Variants in NRG3 observed in about 807,000 individuals in gnomAD.
NRG3 encodes the protein neuregulin 3.
In NRG3, 31 loss-of-function variants were observed where a neutral mutation model predicts 66.9. The ratio of observed to expected loss-of-function variants is 0.46; its 90% CI spans 0.35 to 0.63. NRG3 has a LOEUF of 0.63. NRG3 is among the 20% of genes least tolerant of loss of function. NRG3 has a pLI of 0.00. For missense variants in NRG3, 910 were observed against 878.9 expected (o/e 1.04, Z -0.45); for synonymous variants, 393 against 359.4 (o/e 1.09, Z -1.06).
At chr10:82,126,324 ATT>A (rs1310188901) in intron 1 of NRG3, among the ~76,000 whole-genome samples, 1 of 152,066 alleles carries the variant, frequency 6.6e-6, no homozygotes, top group African/African-American at 2.4e-5. Context: ...AGTAAATTTA[ATT>A]TTTTTCTACA....
intron 4 of NRG3, among the ~76,000 whole-genome samples, chr10:82,908,171 G>A (rs749296161): frequency 1.7e-4 from 26 of 152,182 alleles, no homozygotes; most frequent in Admixed American, 8.5e-4. Context: ...TCCTTTGCAA[G>A]GCCAGAAGCA....
intron 2 of NRG3, among the ~76,000 whole-genome samples, chr10:82,468,108 A>C (rs1409515855): frequency 6.6e-6 from 1 of 152,192 alleles, no homozygotes; most frequent in Non-Finnish European, 1.5e-5. Flanking sequence ...TATATAGATA[A>C]GAAACTGAGT....
chr10:82,462,068 T>C (rs1280302913), intron 2 of NRG3, among the ~76,000 whole-genome samples: 1 of 151,918 alleles, frequency 6.6e-6, no homozygotes, highest in Admixed American at 6.6e-5. Flanking sequence ...GAGGCGGAGG[T>C]GGCGGTGAGC....
chr10:82,816,724 C>T (rs975436810), intron 3 of NRG3, among the ~76,000 whole-genome samples: 1 of 152,198 alleles, frequency 6.6e-6, no homozygotes, highest in Non-Finnish European at 1.5e-5. Flanking sequence ...CAGGCCCACA[C>T]TGAGCCACCC....
chr10:82,445,488 C>A (rs746182393), intron 2 of NRG3, among the ~76,000 whole-genome samples: 6 of 152,096 alleles, frequency 3.9e-5, no homozygotes, highest in African/African-American at 7.2e-5. Flanking sequence ...AATAAGCATG[C>A]CTTCTTAGGG....
intron 1 of NRG3, among the ~76,000 whole-genome samples, chr10:82,323,860 T>G (rs1336819266): frequency 1.3e-5 from 2 of 152,126 alleles, no homozygotes; most frequent in African/African-American, 4.8e-5. Context: ...TTTTAAGTAT[T>G]ATTTATTATT....
At chr10:81,980,815 C>T (rs1231192534) in intron 1 of NRG3, among the ~76,000 whole-genome samples, 1 of 152,190 alleles carries the variant, frequency 6.6e-6, no homozygotes, top group Non-Finnish European at 1.5e-5. Flanking sequence ...CTGCAGATGG[C>T]CACCTTCTTG....
chr10:82,429,613 A>G (rs971079268), intron 2 of NRG3, among the ~76,000 whole-genome samples: 1 of 152,118 alleles, frequency 6.6e-6, no homozygotes, highest in Non-Finnish European at 1.5e-5. Context: ...CTTTGAATTT[A>G]TCCAAATCAG....
At chr10:82,597,226 A>T (rs1163525665) in intron 2 of NRG3, among the ~76,000 whole-genome samples, 1 of 152,176 alleles carries the variant, frequency 6.6e-6, no homozygotes, top group Non-Finnish European at 1.5e-5. Context: ...ATCTCTAGAG[A>T]TAGATTAGAT....
chr10:82,249,767 A>G (rs1169868798), intron 1 of NRG3, among the ~76,000 whole-genome samples: 1 of 152,182 alleles, frequency 6.6e-6, no homozygotes, highest in Admixed American at 6.5e-5. Context: ...TCAGAACACT[A>G]CTGGCTTTTG....
chr10:82,554,120 T>C (rs1403108071), intron 2 of NRG3, among the ~76,000 whole-genome samples: 2 of 152,160 alleles, frequency 1.3e-5, no homozygotes, highest in Non-Finnish European at 2.9e-5. Flanking sequence ...CTTTAGTTTT[T>C]ACAGGAAGGT....
intron 2 of NRG3, among the ~76,000 whole-genome samples, chr10:82,408,087 GAAA>G: frequency 1.6e-5 from 1 of 61,218 alleles, no homozygotes; most frequent in African/African-American, 5.9e-5. Context: ...GAGAGAGACA[GAAA>G]GAAAGAAAGA....
At chr10:82,399,445 G>A (rs542139074) in intron 2 of NRG3, among the ~76,000 whole-genome samples, 44 of 152,282 alleles carry the variant, frequency 2.9e-4, no homozygotes, top group African/African-American at 9.9e-4. Flanking sequence ...AGTTCGAGCT[G>A]CTATCTCAGA....
At position 82,860,886 on chromosome 10, in the gene NRG3, C is replaced by T. The variant is rs116402175; in HGVS notation, c.1028-4525C>T. Among the ~76,000 whole-genome samples, 1,442 of 152,240 alleles carry T rather than the reference C, an allele frequency of 9.5e-3. 17 individuals are homozygous for T. The highest frequency in any genetic ancestry group is 0.032 in the African/African-American group (1,317 of 41,524). On this transcript the variant is annotated intron_variant, in intron 3 of 8. Transcript: ENST00000372141. ...TTAATTAATTAATCTTCACCTGTAT[C>T]GCTTGATGTTTTCCTGCAGGCGTGA...
rs146457130 is a variant in NRG3 at position 82,729,064 on chromosome 10, G to A, written c.954-9513G>A. 5.0e-4 allele frequency among the ~76,000 whole-genome samples: 76 copies of A among 152,200 alleles called. 2 individuals are homozygous for A. In the East Asian group the frequency reaches 0.014, roughly 29 times the overall value. ...AGATTCAGTAACCCCATTTAGAAAG[G>A]AGCACCTGAGACTTCTGAGAGGTTA... On this transcript the variant is annotated intron_variant, in intron 2 of 8. Coordinates refer to ENST00000372141, the MANE Select transcript of NRG3 (RefSeq NM_001010848.4).
intron 1 of NRG3, among the ~76,000 whole-genome samples, chr10:82,334,833 C>G (rs575409623): frequency 6.6e-6 from 1 of 152,186 alleles, no homozygotes; most frequent in East Asian, 1.9e-4. Flanking sequence ...TTCAAGCATA[C>G]TTTATATTAA....
At chr10:82,273,951 C>T (rs1007559931) in intron 1 of NRG3, among the ~76,000 whole-genome samples, 1 of 151,884 alleles carries the variant, frequency 6.6e-6, no homozygotes. Flanking sequence ...GTATCATTCA[C>T]CTACAAATAC....
chr10:82,325,256 A>G (rs2081806345), intron 1 of NRG3, among the ~76,000 whole-genome samples: 1 of 151,402 alleles, frequency 6.6e-6, no homozygotes, highest in African/African-American at 2.4e-5. Flanking sequence ...ATCATGGTTC[A>G]CTGCAGCCTC....
chr10:82,225,353 A>G (rs1315585081), intron 1 of NRG3: 1 of 152,198 alleles, frequency 6.6e-6, no homozygotes, highest in Non-Finnish European at 1.5e-5. Flanking sequence ...ACTGACATAT[A>G]ATAGGATAGA....
Sources: gnomAD v4.1 joint callset for allele counts (sites outside exome capture counted in the v4.1 genomes callset) on GRCh38, gnomAD v4.1.1 for gene constraint, MANE v1.5 for transcripts, NCBI Gene and HGNC (gene_info 2026-07-23, HGNC 2026-07-21) for gene names.